ITGBL1: variants seen among roughly 807,000 people sequenced by gnomAD.
The protein encoded by ITGBL1 is integrin beta-like protein 1.
Under a neutral mutation model 68.5 loss-of-function variants are expected in ITGBL1, and 51 were observed. The observed-to-expected ratio is 0.74, with a 90% CI of 0.59 to 0.94. The LOEUF is 0.94. Among genes scored for constraint, ITGBL1 ranks in the 40% least tolerant of loss-of-function variants. The pLI is 0.00. For synonymous variants in ITGBL1, 209 were observed against 227.3 expected, an observed-to-expected ratio of 0.92 and a Z score of 0.72; for missense variants, 649 against 647.4, an observed-to-expected ratio of 1.00 and a Z score of -0.03.
chr13:101,472,488 T>C (rs1020716811), intron 2 of ITGBL1, among the ~76,000 whole-genome samples: 2 of 152,240 alleles, frequency 1.3e-5, no homozygotes, highest in Non-Finnish European at 2.9e-5. Flanking sequence ...AAGCTACTTT[T>C]AGAATTTCTT....
intron 7 of ITGBL1, among the ~76,000 whole-genome samples, chr13:101,672,561 T>G (rs1476426051): frequency 2.6e-5 from 4 of 151,992 alleles, no homozygotes; most frequent in Non-Finnish European, 5.9e-5. Flanking sequence ...CATAATAAGA[T>G]TAGGGTGGGG....
At chr13:101,639,250 T>C (rs2032283044) in intron 7 of ITGBL1, among the ~76,000 whole-genome samples, 1 of 152,218 alleles carries the variant, frequency 6.6e-6, no homozygotes, top group African/African-American at 2.4e-5. Context: ...TCATAGATTT[T>C]CTATACCATA....
intron 2 of ITGBL1, among the ~76,000 whole-genome samples, chr13:101,473,122 G>T (rs1443159887): frequency 1.3e-5 from 2 of 152,116 alleles, no homozygotes; most frequent in Non-Finnish European, 2.9e-5. Flanking sequence ...ACCCTCCAAT[G>T]ATCATCCACC....
At chr13:101,610,381 T>G (rs896153255) in intron 7 of ITGBL1, among the ~76,000 whole-genome samples, 1 of 152,150 alleles carries the variant, frequency 6.6e-6, no homozygotes, top group African/African-American at 2.4e-5. Flanking sequence ...GAACCTGCGA[T>G]GCCCCTCTTA....
chr13:101,620,504 T>G (rs1406659588), intron 7 of ITGBL1, among the ~76,000 whole-genome samples: 1 of 152,158 alleles, frequency 6.6e-6, no homozygotes, highest in Admixed American at 6.6e-5. Flanking sequence ...TTATTTGATC[T>G]CTCGTCTTAA....
At chr13:101,577,334 T>TA (rs2050379702) in intron 4 of ITGBL1, among the ~76,000 whole-genome samples, 1 of 152,214 alleles carries the variant, frequency 6.6e-6, no homozygotes, top group Non-Finnish European at 1.5e-5. Flanking sequence ...AGCAAAGAAT[T>TA]ATGTTTATTG....
At chr13:101,576,396 T>C (rs542730386) in intron 4 of ITGBL1, among the ~76,000 whole-genome samples, 1 of 152,306 alleles carries the variant, frequency 6.6e-6, no homozygotes, top group South Asian at 2.1e-4. Flanking sequence ...TGCAAGCCTG[T>C]GCCCAGAGTT....
chr13:101,464,883 T>A (rs1363830029), intron 2 of ITGBL1, among the ~76,000 whole-genome samples: 1 of 152,178 alleles, frequency 6.6e-6, no homozygotes, highest in African/African-American at 2.4e-5. Flanking sequence ...AAGTCCACTT[T>A]CAAATTTCTG....
chr13:101,671,090 TG>T lies in ITGBL1; in HGVS notation c.1016-21494del, dbSNP rs1424515594. On this transcript the variant is annotated intron_variant, in intron 7 of 10. Coordinates refer to ENST00000376180, the MANE Select transcript of ITGBL1 (RefSeq NM_004791.3). ...TCTTTGTCATCTACTGTTACAGTTT[TG>T]TTTCTTCTCTAAACACATGTGCATT... 7.9e-5 allele frequency among the ~76,000 whole-genome samples: 12 copies of T among 152,316 alleles called. No individual in the cohort carries two copies. The East Asian group carries it at 2.3e-3, about 29-fold the overall frequency.
At chr13:101,525,815 CTAT>C (rs1434472506) in intron 2 of ITGBL1, among the ~76,000 whole-genome samples, 1 of 151,802 alleles carries the variant, frequency 6.6e-6, no homozygotes, top group African/African-American at 2.4e-5. Context: ...AGTAATACCT[CTAT>C]TATTAAGCAT....
rs564170178 is a variant in ITGBL1 at position 101,545,972 on chromosome 13, A to G, written c.317-21727A>G. 2.6e-5 allele frequency among the ~76,000 whole-genome samples: 4 copies of G among 152,364 alleles called. No homozygotes were observed. The East Asian group carries it at 7.7e-4, about 29-fold the overall frequency. ...AAGAATAATTTTTTAAAATAATCATACAATGAACTATATCAAGGTGAAAAA... is the reference window on the plus strand; with the variant it reads ...AAGAATAATTTTTTAAAATAATCATGCAATGAACTATATCAAGGTGAAAAA... On this transcript the variant is annotated intron_variant, in intron 2 of 10. Transcript: ENST00000376180.
intron 8 of ITGBL1, among the ~76,000 whole-genome samples, chr13:101,699,353 T>C (rs2034077011): frequency 6.6e-6 from 1 of 152,186 alleles, no homozygotes; most frequent in African/African-American, 2.4e-5. Context: ...CCTTCCAGTA[T>C]GACGTTTATC....
At chr13:101,664,874 C>CA (rs2033176095) in intron 7 of ITGBL1, among the ~76,000 whole-genome samples, 1 of 152,222 alleles carries the variant, frequency 6.6e-6, no homozygotes, top group Non-Finnish European at 1.5e-5. Flanking sequence ...GCTGGGATTA[C>CA]AGGCACCCAC....
chr13:101,454,111 G>A lies in ITGBL1; in HGVS notation c.316+11G>A, dbSNP rs760129520. Reference sequence around the variant, plus strand: ...GGAGCACCTGTGCAGGTAAGAGGGCGGCGCTGTCTCCTCCCTCGGGAGGTC... The same window carrying A: ...GGAGCACCTGTGCAGGTAAGAGGGCAGCGCTGTCTCCTCCCTCGGGAGGTC... On this transcript the variant is annotated intron_variant, in intron 2 of 10. Transcript: ENST00000376180. 7.8e-6 allele frequency: 12 copies of A among 1,529,572 alleles called. No individual in the cohort carries two copies. Among genetic ancestry groups the A allele is most frequent in the African/African-American group, 1.4e-5 (1 of 72,140 alleles). The allele number at this position is 1,529,572 out of a possible 1,614,324, so 94.8% of individuals were successfully genotyped here.
At chr13:101,602,263 A>G (rs1251240954) in intron 7 of ITGBL1, among the ~76,000 whole-genome samples, 1 of 152,090 alleles carries the variant, frequency 6.6e-6, no homozygotes, top group African/African-American at 2.4e-5. Flanking sequence ...ATAGCTATGA[A>G]TAAGCTTTTG....
chr13:101,605,032 A>G (rs1306946739), intron 7 of ITGBL1, among the ~76,000 whole-genome samples: 1 of 137,598 alleles, frequency 7.3e-6, no homozygotes, highest in Non-Finnish European at 1.6e-5. Context: ...ATATGTATAT[A>G]TACATATACG....
chr13:101,696,048 A>T (rs575394951), intron 8 of ITGBL1, among the ~76,000 whole-genome samples: 4 of 152,168 alleles, frequency 2.6e-5, no homozygotes, highest in Non-Finnish European at 5.9e-5. Flanking sequence ...TAAGCCAGAA[A>T]AGCCTCAACA....
At chr13:101,481,211 C>T (rs567036255) in intron 2 of ITGBL1, among the ~76,000 whole-genome samples, 7 of 150,876 alleles carry the variant, frequency 4.6e-5, no homozygotes, top group South Asian at 2.1e-4. Context: ...AGACTGTGAA[C>T]GCCCTTGGCA....
At chr13:101,665,616 G>A (rs2033195684) in intron 7 of ITGBL1, among the ~76,000 whole-genome samples, 1 of 151,506 alleles carries the variant, frequency 6.6e-6, no homozygotes. Flanking sequence ...TTCTTGCTTT[G>A]GGGCAATTAG....
Sources: gnomAD v4.1 joint callset for allele counts (sites outside exome capture counted in the v4.1 genomes callset) on GRCh38, gnomAD v4.1.1 for gene constraint, MANE v1.5 for transcripts, NCBI Gene and HGNC (gene_info 2026-07-23, HGNC 2026-07-21) for gene names.